LPP: variants seen among roughly 807,000 people sequenced by gnomAD.
LPP encodes lipoma-preferred partner.
Under a neutral mutation model 60.4 loss-of-function variants are expected in LPP, and 38 were observed. That is an observed-to-expected ratio of 0.63 (90% CI 0.49 to 0.83). The LOEUF is 0.83. Ranked by LOEUF, LPP falls within the 40% of genes least tolerant of loss-of-function variation. LPP has a pLI of 0.00. For synonymous variants in LPP, 328 were observed against 290.8 expected, an observed-to-expected ratio of 1.13 and a Z score of -1.30; for missense variants, 902 against 783.6, an observed-to-expected ratio of 1.15 and a Z score of -1.80.
intron 2 of LPP, among the ~76,000 whole-genome samples, chr3:188,327,480 A>G (rs1430915295): frequency 6.6e-6 from 1 of 152,140 alleles, no homozygotes; most frequent in Non-Finnish European, 1.5e-5. Flanking sequence ...TTCTTATTTT[A>G]CGTTAAAGAA....
intron 4 of LPP, among the ~76,000 whole-genome samples, chr3:188,430,652 A>T (rs1790661997): frequency 6.6e-6 from 1 of 152,182 alleles, no homozygotes; most frequent in Non-Finnish European, 1.5e-5. Flanking sequence ...AGATGACTGA[A>T]CATCCTTAGA....
chr3:188,616,182 C>G (rs1447958332), intron 7 of LPP, among the ~76,000 whole-genome samples: 1 of 152,110 alleles, frequency 6.6e-6, no homozygotes, highest in East Asian at 1.9e-4. Flanking sequence ...ATGGTACTGC[C>G]TAGGTTTTCT....
At chr3:188,411,512 C>A (rs953123728) in intron 4 of LPP, among the ~76,000 whole-genome samples, 3 of 152,114 alleles carry the variant, frequency 2.0e-5, no homozygotes, top group African/African-American at 7.2e-5. Flanking sequence ...TTAACTATTT[C>A]ATTTTTTGTG....
Position 188,615,164 on chromosome 3 carries a change from G to T in LPP, c.1113+5320G>T, listed in dbSNP as rs375598927. Among the ~76,000 whole-genome samples, 13 of 152,284 alleles carry T rather than the reference G, an allele frequency of 8.5e-5. No individual in the cohort carries two copies. In the South Asian group the frequency reaches 2.7e-3, roughly 32 times the overall value. On this transcript the variant is annotated intron_variant, in intron 7 of 11. Coordinates refer to ENST00000617246, the MANE Select transcript of LPP (RefSeq NM_001375462.1). Reference sequence around the variant, plus strand: ...AACCTTAATAAGTTCCCAACCAGTTGCAGAATACATTGAAATCCCAAACTG... The same window carrying T: ...AACCTTAATAAGTTCCCAACCAGTTTCAGAATACATTGAAATCCCAAACTG...
chr3:188,169,248 G>T (rs748968801), intron 1 of LPP, among the ~76,000 whole-genome samples: 17 of 152,212 alleles, frequency 1.1e-4, no homozygotes, highest in Non-Finnish European at 2.4e-4. Context: ...AGCTATAAAA[G>T]AGGTCATTCT....
At chr3:188,665,715 C>T (rs1018394332) in intron 7 of LPP, among the ~76,000 whole-genome samples, 7 of 152,162 alleles carry the variant, frequency 4.6e-5, no homozygotes, top group African/African-American at 1.7e-4. Context: ...CCTGCCTCGG[C>T]CTCCCAAAGT....
At chr3:188,565,505 T>C (rs992916122) in intron 6 of LPP, among the ~76,000 whole-genome samples, 2 of 151,984 alleles carry the variant, frequency 1.3e-5, no homozygotes, top group Admixed American at 1.3e-4. Context: ...AATTTAAACT[T>C]CTGATAAGCA....
At chr3:188,597,221 T>G (rs569680067) in intron 6 of LPP, among the ~76,000 whole-genome samples, 1 of 152,340 alleles carries the variant, frequency 6.6e-6, no homozygotes, top group South Asian at 2.1e-4. Context: ...TCTTACGCCC[T>G]ACAGTTATGT....
rs977258053 is a variant in LPP at position 188,240,344 on chromosome 3, T to A, written c.-67+14817T>A. ...AAGAGTCAGGAGTTTTGGGTAAGAG[T>A]GTGTGTGTGTGTGTGTGTGTGTGTG... is the stretch of plus-strand genomic sequence containing the variant. On this transcript the variant is annotated intron_variant, in intron 2 of 11. Transcript: ENST00000617246. Among the ~76,000 whole-genome samples, 7 of 115,166 alleles carry A rather than the reference T, an allele frequency of 6.1e-5. No homozygotes were observed. The South Asian group carries it at 1.0e-3, about 17-fold the overall frequency. The allele number at this position is 115,166 out of a possible 152,430, so 75.6% of individuals were successfully genotyped here. A position where few individuals can be genotyped will look rare whatever the true frequency, so the allele number is the denominator to read the frequency against.
intron 1 of LPP, among the ~76,000 whole-genome samples, chr3:188,164,074 A>G (rs1204136469): frequency 6.6e-6 from 1 of 152,214 alleles, no homozygotes; most frequent in Non-Finnish European, 1.5e-5. Context: ...AATCATGTTA[A>G]TGTATATCTA....
intron 3 of LPP, among the ~76,000 whole-genome samples, chr3:188,381,868 A>G (rs1267962038): frequency 1.3e-5 from 2 of 152,018 alleles, no homozygotes; most frequent in Admixed American, 6.6e-5. Flanking sequence ...TCTATTGCCC[A>G]TGTTCCAGAC....
intron 7 of LPP, among the ~76,000 whole-genome samples, chr3:188,664,939 G>T (rs1024753121): frequency 2.6e-5 from 4 of 152,132 alleles, no homozygotes; most frequent in African/African-American, 9.7e-5. Context: ...CAGGACCTGA[G>T]TGTGCCAGGT....
At chr3:188,344,337 T>C (rs1324431386) in intron 3 of LPP, among the ~76,000 whole-genome samples, 2 of 152,210 alleles carry the variant, frequency 1.3e-5, no homozygotes, top group African/African-American at 4.8e-5. Flanking sequence ...TAGTTATAAG[T>C]GAAATTACCT....
Position 188,407,768 on chromosome 3 carries a change from G to GTTTTTTGTTTTTTTTTTTTTTTTTTTT in LPP, c.193+1461_193+1462insGTTTTTTTTTTTTTTTTTTTTTTTTTT, listed in dbSNP as rs1280628245. 3.3e-5 allele frequency among the ~76,000 whole-genome samples: 2 copies of GTTTTTTGTTTTTTTTTTTTTTTTTTTT among 61,282 alleles called. 1 individual carries two copies. Among genetic ancestry groups the GTTTTTTGTTTTTTTTTTTTTTTTTTTT allele is most frequent in the Admixed American group, 5.2e-4 (2 of 3,816 alleles). The allele number at this position is 61,282 out of a possible 152,430, so 40.2% of individuals were successfully genotyped here. A position where few individuals can be genotyped will look rare whatever the true frequency, so the allele number is the denominator to read the frequency against. The stretch of plus-strand genomic sequence containing the variant: ...CCATATGTTGGCTTCCTCATTTATG[G>GTTTTTTGTTTTTTTTTTTTTTTTTTTT]TTTTTTTTTTTGTTTGTTTGTTTTT... On this transcript the variant is annotated intron_variant, in intron 4 of 11. Transcript: ENST00000617246.
At chr3:188,863,749 T>G (rs1254584743) in intron 9 of LPP, among the ~76,000 whole-genome samples, 1 of 152,164 alleles carries the variant, frequency 6.6e-6, no homozygotes, top group Non-Finnish European at 1.5e-5. Flanking sequence ...TTTATACTTT[T>G]TTTCCTTTGT....
chr3:188,165,277 A>T (rs1229080543), intron 1 of LPP, among the ~76,000 whole-genome samples: 1 of 151,240 alleles, frequency 6.6e-6, no homozygotes, highest in African/African-American at 2.4e-5. Flanking sequence ...TCTGTCTGTC[A>T]GGAAAAAAAA....
intron 1 of LPP, among the ~76,000 whole-genome samples, chr3:188,203,367 T>G (rs1240709525): frequency 9.6e-6 from 1 of 103,726 alleles, no homozygotes; most frequent in East Asian, 2.6e-4. Context: ...TATATTTATA[T>G]AAATATATAT....
chr3:188,165,993 T>C (rs1414574663), intron 1 of LPP, among the ~76,000 whole-genome samples: 1 of 152,186 alleles, frequency 6.6e-6, no homozygotes, highest in Non-Finnish European at 1.5e-5. Context: ...GTAAGGATTC[T>C]GTGACATCTC....
At chr3:188,476,983 G>T (rs1301546915) in intron 4 of LPP, among the ~76,000 whole-genome samples, 3 of 152,144 alleles carry the variant, frequency 2.0e-5, no homozygotes, top group Non-Finnish European at 4.4e-5. Context: ...CTGTAGAAAC[G>T]GGAGCAAAAT....
Sources: gnomAD v4.1 joint callset for allele counts (sites outside exome capture counted in the v4.1 genomes callset) on GRCh38, gnomAD v4.1.1 for gene constraint, MANE v1.5 for transcripts, NCBI Gene and HGNC (gene_info 2026-07-23, HGNC 2026-07-21) for gene names.